Variants in BMPR1B observed in about 807,000 individuals in gnomAD.
The protein encoded by BMPR1B is bone morphogenetic protein receptor type 1B, also known as bone morphogenetic protein receptor type-1B.
BMPR1B carries 12 observed loss-of-function variants against 59.1 expected under a neutral mutation model. That is an observed-to-expected ratio of 0.20 (90% confidence interval 0.13 to 0.33). The LOEUF (loss-of-function observed/expected upper bound fraction) is 0.33. BMPR1B is among the 10% of genes least tolerant of loss of function. BMPR1B has a pLI of 1.00. For synonymous variants in BMPR1B, 237 were observed against 207.3 expected (o/e 1.14, Z -1.23); for missense variants, 550 against 610.9 (o/e 0.90, Z 1.05).
At chr4:95,023,677 G>A (rs996659) in intron 3 of BMPR1B, among the ~76,000 whole-genome samples, 145,434 of 152,284 alleles carry the variant, frequency 0.96, 69,476 homozygotes, top group Middle Eastern at 0.99. Context: ...ATGAGCCACC[G>A]CATGCAGCCT....
intron 2 of BMPR1B, among the ~76,000 whole-genome samples, chr4:94,908,918 A>G (rs9307149): frequency 0.28 from 43,136 of 151,964 alleles, 7,798 homozygotes; most frequent in African/African-American, 0.51. Flanking sequence ...TCTTAAAACA[A>G]CAGAAAATAA....
intron 2 of BMPR1B, among the ~76,000 whole-genome samples, chr4:94,923,200 A>G (rs940477572): frequency 6.6e-6 from 1 of 152,024 alleles, no homozygotes; most frequent in African/African-American, 2.4e-5. Flanking sequence ...TTTTATGTAC[A>G]TGATGGTGAA....
chr4:94,823,385 C>T (rs75422129), intron 1 of BMPR1B, among the ~76,000 whole-genome samples: 131 of 152,190 alleles, frequency 8.6e-4, no homozygotes, highest in African/African-American at 3.1e-3. Context: ...TGGTGGGCTG[C>T]CACATTTCTG....
At chr4:94,918,685 A>ATT (rs1728578288) in intron 2 of BMPR1B, among the ~76,000 whole-genome samples, 1 of 151,570 alleles carries the variant, frequency 6.6e-6, no homozygotes, top group Non-Finnish European at 1.5e-5. Context: ...CACTGTTTAA[A>ATT]AAAAAAAAAA....
intron 1 of BMPR1B, among the ~76,000 whole-genome samples, chr4:94,814,360 C>T (rs1209297873): frequency 6.6e-6 from 1 of 152,170 alleles, no homozygotes; most frequent in Non-Finnish European, 1.5e-5. Context: ...TATTGCCTGA[C>T]ATAAACATTA....
At chr4:94,941,951 C>T (rs760912169) in intron 2 of BMPR1B, among the ~76,000 whole-genome samples, 1 of 152,210 alleles carries the variant, frequency 6.6e-6, no homozygotes, top group Non-Finnish European at 1.5e-5. Flanking sequence ...TGTTTCCACA[C>T]TTACCTTGTA....
chr4:95,152,180 G>GA (rs1230467923), intron 11 of BMPR1B, among the ~76,000 whole-genome samples: 1 of 151,984 alleles, frequency 6.6e-6, no homozygotes, highest in Non-Finnish European at 1.5e-5. Flanking sequence ...CAATTAAGCA[G>GA]AAAAAATGTA....
intron 1 of BMPR1B, among the ~76,000 whole-genome samples, chr4:94,871,283 C>T (rs2148967855): frequency 6.6e-6 from 1 of 152,280 alleles, no homozygotes; most frequent in East Asian, 1.9e-4. Flanking sequence ...CTAATGCGTA[C>T]ATCCTTTGTA....
intron 2 of BMPR1B, among the ~76,000 whole-genome samples, chr4:94,911,968 A>G (rs1244009836): frequency 1.3e-5 from 2 of 152,174 alleles, no homozygotes; most frequent in Non-Finnish European, 2.9e-5. Flanking sequence ...GCAATTTACA[A>G]AAGAAAGAGG....
intron 2 of BMPR1B, among the ~76,000 whole-genome samples, chr4:94,908,731 A>G (rs539314627): frequency 4.6e-5 from 7 of 152,172 alleles, no homozygotes; most frequent in East Asian, 1.9e-4. Flanking sequence ...ATCAAATCCA[A>G]TGGTGGCTCA....
rs13115011 is a variant in BMPR1B at position 94,987,243 on chromosome 4, A to T, written c.-112-8797A>T. 1.1e-4 allele frequency among the ~76,000 whole-genome samples: 14 copies of T among 127,798 alleles called. No individual in the cohort carries two copies. In the East Asian group the frequency reaches 1.4e-3, roughly 13 times the overall value. 83.8% of individuals were successfully genotyped at this position (127,798 alleles called of 152,430 possible). On this transcript the variant is annotated intron_variant, in intron 2 of 12. Transcript: ENST00000515059. ...ATTATATATAATATATGTAATATAT[A>T]ATATAATATAAAATATATATTATAT...
intron 3 of BMPR1B, among the ~76,000 whole-genome samples, chr4:95,079,087 T>C (rs1046807792): frequency 2.2e-4 from 33 of 152,132 alleles, no homozygotes; most frequent in Admixed American, 5.2e-4. Context: ...GTTTGAAAAT[T>C]GTATGTCAGA....
rs1733350007 is a variant in BMPR1B at position 95,131,396 on chromosome 4, T to C, written c.960T>C (p.Phe320=). Residue 320 remains phenylalanine, a synonymous_variant, in exon 10 of 13, where the codon TTT becomes TTC. Transcript: ENST00000515059. ...TATGTCATTTACACACAGAAATCTT[T>C]AGTACTCAAGGCAAACCAGCAATTG... ...SGLCHLHTEI[F]STQGKPAIAH... is the part of the protein sequence containing the mutation. The C allele has an allele frequency of 6.2e-7, 1 of 1,614,052 alleles. No individual in the cohort carries two copies. The highest frequency in any genetic ancestry group is 8.5e-7 in the Non-Finnish European group (1 of 1,180,000).
At chr4:95,100,351 A>T (rs1449224067) in intron 3 of BMPR1B, among the ~76,000 whole-genome samples, 1 of 151,568 alleles carries the variant, frequency 6.6e-6, no homozygotes, top group Non-Finnish European at 1.5e-5. Context: ...GATTTGGAAA[A>T]TTTTTCCCTC....
Position 94,805,602 on chromosome 4 carries a change from C to T in BMPR1B, c.-183+47534C>T, listed in dbSNP as rs546823595. On this transcript the variant is annotated intron_variant, in intron 1 of 12. Transcript: ENST00000515059. ...GAATTTATAACGTATTTATAAGCTA[C>T]ACTTACATTATTATTCCCAAAAGTT... is the stretch of plus-strand genomic sequence containing the variant. Among the ~76,000 whole-genome samples the T allele has an allele frequency of 6.4e-4, 97 of 152,270 alleles. 1 individual carries two copies. Among genetic ancestry groups the T allele is most frequent in the Non-Finnish European group, 1.2e-3 (83 of 68,012 alleles).
At chr4:95,083,161 G>A (rs1336622596) in intron 3 of BMPR1B, among the ~76,000 whole-genome samples, 1 of 151,302 alleles carries the variant, frequency 6.6e-6, no homozygotes, top group Non-Finnish European at 1.5e-5. Flanking sequence ...GTACAACAAT[G>A]TGACCCCTAA....
chr4:95,016,812 A>T (rs2149131297), intron 3 of BMPR1B, among the ~76,000 whole-genome samples: 1 of 152,308 alleles, frequency 6.6e-6, no homozygotes, highest in Non-Finnish European at 1.5e-5. Flanking sequence ...CCTTTCCCTG[A>T]CAAGTATACC....
chr4:94,778,055 T>C (rs1218016025), intron 1 of BMPR1B, among the ~76,000 whole-genome samples: 1 of 152,016 alleles, frequency 6.6e-6, no homozygotes, highest in Non-Finnish European at 1.5e-5. Context: ...TATATGTATA[T>C]ATGTTTTTAA....
chr4:94,853,384 A>C lies in BMPR1B; in HGVS notation c.-182-22447A>C, dbSNP rs549742784. Among the ~76,000 whole-genome samples the C allele has an allele frequency of 8.7e-4, 132 of 152,300 alleles. 1 individual carries two copies. The South Asian group carries it at 0.026, about 30-fold the overall frequency. ...TTAAGTGAATTTTACTTTACAGTGA[A>C]TATCAAAGATTGAACTACTTTTTAT... is the stretch of plus-strand genomic sequence containing the variant. On this transcript the variant is annotated intron_variant, in intron 1 of 12. Transcript: ENST00000515059.
Sources: allele counts gnomAD v4.1 joint callset (sites outside exome capture counted in the v4.1 genomes callset), GRCh38; gene constraint gnomAD v4.1.1; transcripts MANE v1.5; gene names NCBI Gene and HGNC (gene_info 2026-07-23, HGNC 2026-07-21).